Variants in ANKS1B observed in about 807,000 individuals in gnomAD.
ANKS1B encodes ankyrin repeat and sterile alpha motif domain containing 1B, also known as ankyrin repeat and sterile alpha motif domain-containing protein 1B.
Under a neutral mutation model 148.3 loss-of-function variants are expected in ANKS1B, and 36 were observed. That is an observed-to-expected ratio of 0.24 (90% confidence interval 0.19 to 0.32). ANKS1B has a LOEUF of 0.32. ANKS1B is among the 10% of genes least tolerant of loss of function. ANKS1B has a pLI of 1.00. For missense variants in ANKS1B, 1,157 were observed against 1,542.6 expected, an observed-to-expected ratio of 0.75 and a Z score of 4.19; for synonymous variants, 542 against 560.8, an observed-to-expected ratio of 0.97 and a Z score of 0.47.
intron 12 of ANKS1B, among the ~76,000 whole-genome samples, chr12:99,386,875 A>C (rs1300113360): frequency 6.6e-6 from 1 of 152,216 alleles, no homozygotes; most frequent in Non-Finnish European, 1.5e-5. Flanking sequence ...GTTCAGAAAA[A>C]ACTACAGAGC....
intron 1 of ANKS1B, among the ~76,000 whole-genome samples, chr12:99,933,559 T>C (rs982306764): frequency 6.6e-6 from 1 of 152,138 alleles, no homozygotes; most frequent in Non-Finnish European, 1.5e-5. Flanking sequence ...CCCTGGCATA[T>C]AGAACACTAC....
chr12:99,391,647 T>C (rs1011872712), intron 12 of ANKS1B, among the ~76,000 whole-genome samples: 33 of 152,212 alleles, frequency 2.2e-4, no homozygotes, highest in African/African-American at 7.7e-4. Context: ...ACTAATTTCA[T>C]TTGGAGTAGC....
intron 17 of ANKS1B, among the ~76,000 whole-genome samples, chr12:98,883,387 G>C (rs1276530232): frequency 1.3e-5 from 2 of 152,190 alleles, no homozygotes; most frequent in South Asian, 2.1e-4. Context: ...TGTGATGAAG[G>C]CTGACTGGTC....
At chr12:99,357,324 A>G (rs947014042) in intron 12 of ANKS1B, among the ~76,000 whole-genome samples, 3 of 152,058 alleles carry the variant, frequency 2.0e-5, no homozygotes, top group Non-Finnish European at 4.4e-5. Flanking sequence ...TTGTTAGGCA[A>G]CTTTTTAGCA....
intron 14 of ANKS1B, among the ~76,000 whole-genome samples, chr12:99,188,821 C>G (rs1437991692): frequency 1.3e-5 from 2 of 152,040 alleles, no homozygotes; most frequent in Non-Finnish European, 1.5e-5. Flanking sequence ...AAAAAGGTAG[C>G]AGAGGACAAG....
chr12:99,694,992 A>G (rs950750133), intron 8 of ANKS1B, among the ~76,000 whole-genome samples: 1 of 152,202 alleles, frequency 6.6e-6, no homozygotes, highest in Non-Finnish European at 1.5e-5. Flanking sequence ...GCATACTTAG[A>G]AAGCTCTGAA....
chr12:98,758,534 G>T lies in ANKS1B; in HGVS notation c.3580-7012C>A, dbSNP rs7958419. ...GCTGAGAGGCAGCCTCCAGGCCGGG[G>T]GTGTACTTCGTGACTCCACAGAGAC... On this transcript the variant is annotated intron_variant, in intron 25 of 26. Transcript: ENST00000683438. 5.2e-3 allele frequency among the ~76,000 whole-genome samples: 795 copies of T among 152,236 alleles called. 2 individuals carry two copies. The highest frequency in any genetic ancestry group is 0.018 in the African/African-American group (761 of 41,524).
chr12:98,808,677 A>G (rs187036625), intron 19 of ANKS1B, among the ~76,000 whole-genome samples: 2 of 152,336 alleles, frequency 1.3e-5, no homozygotes, highest in Admixed American at 1.3e-4. Flanking sequence ...CTCAGAACCA[A>G]ACACTAAACT....
intron 10 of ANKS1B, among the ~76,000 whole-genome samples, chr12:99,485,576 A>G (rs1403127031): frequency 6.6e-6 from 1 of 152,046 alleles, no homozygotes. Context: ...TTCCTCAATT[A>G]TTCCCTCAAA....
chr12:99,499,980 A>G (rs2096639993), intron 10 of ANKS1B, among the ~76,000 whole-genome samples: 2 of 152,082 alleles, frequency 1.3e-5, no homozygotes, highest in African/African-American at 4.8e-5. Context: ...TGTCAAGCCA[A>G]AAGGGCCAAG....
chr12:98,792,136 G>T (rs2098875552), intron 22 of ANKS1B, among the ~76,000 whole-genome samples: 1 of 152,048 alleles, frequency 6.6e-6, no homozygotes, highest in African/African-American at 2.4e-5. Context: ...AGAACTATGG[G>T]GAAACTATCC....
At chr12:99,749,935 A>T (rs977718299) in intron 8 of ANKS1B, among the ~76,000 whole-genome samples, 1 of 152,124 alleles carries the variant, frequency 6.6e-6, no homozygotes, top group African/African-American at 2.4e-5. Flanking sequence ...AGATAAAGAA[A>T]AAAACGAAAA....
intron 1 of ANKS1B, among the ~76,000 whole-genome samples, chr12:99,844,095 G>GT (rs1158859255): frequency 3.9e-5 from 6 of 151,902 alleles, no homozygotes; most frequent in Admixed American, 2.0e-4. Flanking sequence ...TAATGGGGTT[G>GT]TTTTTTTCTT....
intron 8 of ANKS1B, among the ~76,000 whole-genome samples, chr12:99,702,652 C>T (rs546298437): frequency 6.6e-6 from 1 of 151,502 alleles, no homozygotes; most frequent in East Asian, 2.0e-4. Flanking sequence ...AAGCAATCCT[C>T]CCACTTCAGC....
chr12:99,421,926 C>T (rs1425741320), intron 11 of ANKS1B, among the ~76,000 whole-genome samples: 1 of 152,026 alleles, frequency 6.6e-6, no homozygotes. Flanking sequence ...CCCCACCAAC[C>T]CCACTCTCTC....
At chr12:98,811,583 A>G (rs1161606194) in intron 19 of ANKS1B, among the ~76,000 whole-genome samples, 1 of 152,166 alleles carries the variant, frequency 6.6e-6, no homozygotes, top group Non-Finnish European at 1.5e-5. Flanking sequence ...TCTCACCAGG[A>G]TTGGAGAGCA....
chr12:99,963,287 C>G (rs990899085), intron 1 of ANKS1B, among the ~76,000 whole-genome samples: 33 of 152,304 alleles, frequency 2.2e-4, no homozygotes, highest in African/African-American at 7.9e-4. Context: ...AAAATTTTCT[C>G]CCATTCTGTA....
chr12:98,831,870 C>T, intron 18 of ANKS1B, 159 bp downstream of exon 18: 1 of 675,230 alleles, frequency 1.5e-6, no homozygotes, highest in South Asian at 1.6e-5. Context: ...ATGTCTCAGC[C>T]TCCGGAGTAG....
intron 12 of ANKS1B, among the ~76,000 whole-genome samples, chr12:99,264,636 T>C (rs538134496): frequency 6.6e-6 from 1 of 152,274 alleles, no homozygotes; most frequent in South Asian, 2.1e-4. Flanking sequence ...GCCACTGTTT[T>C]CATTCCTCAA....
Sources: gnomAD v4.1 joint callset for allele counts (sites outside exome capture counted in the v4.1 genomes callset) on GRCh38, gnomAD v4.1.1 for gene constraint, MANE v1.5 for transcripts, NCBI Gene and HGNC (gene_info 2026-07-23, HGNC 2026-07-21) for gene names.